CUX2: variants seen among roughly 807,000 people sequenced by gnomAD.
The protein encoded by CUX2 is cut like homeobox 2.
CUX2 carries 40 observed loss-of-function variants against 144.8 expected under a neutral mutation model. The observed-to-expected ratio is 0.28, with a 90% CI of 0.21 to 0.36. The LOEUF is 0.36. Among genes scored for constraint, CUX2 ranks in the 10% least tolerant of loss-of-function variants. The pLI, the probability that CUX2 is intolerant of heterozygous loss-of-function variation, is 1.00. For missense variants in CUX2, 1,615 were observed against 1,994.0 expected (o/e 0.81, Z 3.62); for synonymous variants, 827 against 875.6 (o/e 0.94, Z 0.98).
At chr12:111,330,470 C>G (rs937699049) in intron 18 of CUX2, among the ~76,000 whole-genome samples, 1 of 151,574 alleles carries the variant, frequency 6.6e-6, no homozygotes, top group African/African-American at 2.4e-5. Context: ...CTCTGAACCT[C>G]GGTTTCCTCA....
chr12:111,308,320 G>A lies in CUX2; in HGVS notation c.1145G>A (p.Cys382Tyr). 2.5e-6 allele frequency: 4 copies of A among 1,614,128 alleles called. No individual in the cohort carries two copies. The highest frequency in any genetic ancestry group is 3.4e-6 in the Non-Finnish European group (4 of 1,180,018). Residue 382 changes from cysteine (C) to tyrosine (Y), a missense_variant, in exon 13 of 22, where the codon TGC becomes TAC. Physicochemically the swap from Cys to Tyr is radical, Grantham distance 194 (BLOSUM62 -2). Around this residue, in one of 12 missense-constraint regions of CUX2, gnomAD observed 57 missense variants for 60.8 expected, o/e 0.94. Transcript: ENST00000261726. ...GCCATGAAGCTGGCCTCCAGCACCT[G>A]CAGCCTCCCCCAGGTAAGTGTCCCT... ...LKAMKLASSTCSLPQGMAKPE... is the reference protein window; with the variant it reads ...LKAMKLASSTYSLPQGMAKPE...
At chr12:111,060,340 C>G (rs1005027709) in intron 1 of CUX2, among the ~76,000 whole-genome samples, 4 of 152,222 alleles carry the variant, frequency 2.6e-5, no homozygotes, top group African/African-American at 9.6e-5. Flanking sequence ...ATCCTGGTCT[C>G]CCTGCCTGGA....
intron 3 of CUX2, among the ~76,000 whole-genome samples, chr12:111,244,308 G>T (rs1432838051): frequency 6.6e-6 from 1 of 152,192 alleles, no homozygotes; most frequent in Non-Finnish European, 1.5e-5. Flanking sequence ...AGAGGGGGCT[G>T]CAGGAGGGAC....
intron 1 of CUX2, among the ~76,000 whole-genome samples, chr12:111,075,885 G>A (rs1197705854): frequency 3.9e-5 from 6 of 152,150 alleles, no homozygotes; most frequent in Non-Finnish European, 7.3e-5. Context: ...GGGAAACTGA[G>A]TCTGAATAAT....
rs1406709141 is a variant in CUX2, at chr12:111,077,690, G to A, written c.63+43450G>A. ...CATTGTGGAGACAGGATGGAGGCCA[G>A]CTTTATTTACAAGAGTGTTTGTTTT... On this transcript the variant is annotated intron_variant, in intron 1 of 21. Coordinates refer to ENST00000261726, the MANE Select transcript of CUX2 (RefSeq NM_015267.4). The surrounding 1 kb of genome is among the most constrained non-coding windows in gnomAD (Gnocchi z 4.1). Among the ~76,000 whole-genome samples the A allele has an allele frequency of 6.6e-6, 1 of 152,172 alleles. No individual in the cohort carries two copies. Among genetic ancestry groups the A allele is most frequent in the Non-Finnish European group, 1.5e-5 (1 of 68,026 alleles).
chr12:111,060,584 A>G lies in CUX2; in HGVS notation c.63+26344A>G, dbSNP rs551720635. ...GAGTTTGGCACATATTAGAGGCTCA[A>G]TAAATGCCCATGGATGGGCCAGAGT... On this transcript the variant is annotated intron_variant, in intron 1 of 21. Coordinates refer to ENST00000261726, the MANE Select transcript of CUX2 (RefSeq NM_015267.4). 3.7e-4 allele frequency among the ~76,000 whole-genome samples: 57 copies of G among 152,354 alleles called. 3 individuals are homozygous for G. In the South Asian group the frequency reaches 0.012, roughly 31 times the overall value.
At chr12:111,297,061 C>T (rs1188205123) in intron 8 of CUX2, among the ~76,000 whole-genome samples, 1 of 147,912 alleles carries the variant, frequency 6.8e-6, no homozygotes, top group Non-Finnish European at 1.5e-5. Context: ...CCCTTCCAGA[C>T]AGGCCTCCTC....
At chr12:111,121,369 CTTTTTTT>C (rs5800920) in intron 1 of CUX2, among the ~76,000 whole-genome samples, 5 of 59,040 alleles carry the variant, frequency 8.5e-5, no homozygotes, top group African/African-American at 2.2e-4. Context: ...TTTCTTTTTT[CTTTTTTT>C]TTTTTTTTTT....
At position 111,322,639 on chromosome 12, in the gene CUX2, C is replaced by T. The variant is rs992577398; in HGVS notation, c.2926+59C>T. The stretch of plus-strand genomic sequence containing the variant: ...GGCAAACTTCCCACCTGCGCAGTGG[C>T]ATGTCCGCCTGGCTTTACTGCCCGA... On this transcript the variant is annotated intron_variant, in intron 18 of 21. Transcript: ENST00000261726. The surrounding 1 kb of genome is among the most constrained non-coding windows in gnomAD (Gnocchi z 4.2). 1 of 1,571,150 alleles carries T rather than the reference C, an allele frequency of 6.4e-7. No individual in the cohort carries two copies. The highest frequency in any genetic ancestry group is 8.6e-7 in the Non-Finnish European group (1 of 1,165,698).
chr12:111,121,682 A>G (rs942222247), intron 1 of CUX2, among the ~76,000 whole-genome samples: 2 of 151,902 alleles, frequency 1.3e-5, no homozygotes, highest in Admixed American at 6.6e-5. Context: ...TTTTCTATAA[A>G]TAGTACTTTA....
Position 111,289,160 on chromosome 12 carries a change from G to C in CUX2, c.302-2258G>C, listed in dbSNP as rs969767760. ...AAGGAAAAAAGAAAATTCTGGGGGAGAGACCAGGAAGAGACAGGGCTTCCA... is the reference window on the plus strand; with the variant it reads ...AAGGAAAAAAGAAAATTCTGGGGGACAGACCAGGAAGAGACAGGGCTTCCA... On this transcript the variant is annotated intron_variant, in intron 4 of 21. Coordinates refer to ENST00000261726, the MANE Select transcript of CUX2 (RefSeq NM_015267.4). This position sits in a 1 kb window ranked among gnomAD's most constrained non-coding sequence, Gnocchi z 4.1. Among the ~76,000 whole-genome samples, 1 of 152,110 alleles carries C rather than the reference G, an allele frequency of 6.6e-6. No homozygotes were observed. The highest frequency in any genetic ancestry group is 2.4e-5 in the African/African-American group (1 of 41,428).
At chr12:111,260,753 G>A (rs1884079444) in intron 3 of CUX2, among the ~76,000 whole-genome samples, 1 of 152,156 alleles carries the variant, frequency 6.6e-6, no homozygotes, top group Non-Finnish European at 1.5e-5. Flanking sequence ...AGTAGGGGGT[G>A]CTCTAGGCAG....
chr12:111,260,426 T>C (rs1000866660), intron 3 of CUX2, among the ~76,000 whole-genome samples: 2 of 151,958 alleles, frequency 1.3e-5, no homozygotes, highest in African/African-American at 4.8e-5. Context: ...ATCGTGCCAC[T>C]GCACTCCAGC....
At position 111,347,884 on chromosome 12, in the gene CUX2, A is replaced by G. The variant is rs1170569506; in HGVS notation, c.4020A>G (p.Gly1340=). The change falls in exon 22 of 22, where the codon GGA becomes GGG. Residue 1340 remains glycine, a synonymous_variant. Transcript: ENST00000261726. ...ATCCCGACCCTCCGGGTAATGATGG[A>G]CTCCCAAAAGTGGCTCCCGGGCCCC... ...EEHPDPPGND[G]LPKVAPGPLL... 5.6e-6 allele frequency: 9 copies of G among 1,613,888 alleles called. No individual in the cohort carries two copies. Among genetic ancestry groups the G allele is most frequent in the Non-Finnish European group, 7.6e-6 (9 of 1,179,966 alleles).
At chr12:111,053,307 C>T (rs1230731191) in intron 1 of CUX2, among the ~76,000 whole-genome samples, 1 of 152,188 alleles carries the variant, frequency 6.6e-6, no homozygotes, top group Non-Finnish European at 1.5e-5. Context: ...CACTAAGTCC[C>T]ACTAATGACA....
intron 4 of CUX2, among the ~76,000 whole-genome samples, chr12:111,275,110 G>A (rs1233025710): frequency 6.6e-6 from 1 of 152,192 alleles, no homozygotes; most frequent in Non-Finnish European, 1.5e-5. Context: ...TTCTCTATGG[G>A]TTTGGATCCC....
rs1883270437 is a variant in CUX2, at chr12:111,246,147, G to A, written c.223-17614G>A. On this transcript the variant is annotated intron_variant, in intron 3 of 21. Coordinates refer to ENST00000261726, the MANE Select transcript of CUX2 (RefSeq NM_015267.4). This position sits in a 1 kb window ranked among gnomAD's most constrained non-coding sequence, Gnocchi z 4.0. ...AGTCTCTTGACTTCTCTGCGCCTCAGTTTCCTCATCTGGAAAGTAGAAATG... is the reference window on the plus strand; with the variant it reads ...AGTCTCTTGACTTCTCTGCGCCTCAATTTCCTCATCTGGAAAGTAGAAATG... Among the ~76,000 whole-genome samples, 1 of 152,104 alleles carries A rather than the reference G, an allele frequency of 6.6e-6. No individual in the cohort carries two copies. Among genetic ancestry groups the A allele is most frequent in the Admixed American group, 6.5e-5 (1 of 15,270 alleles).
intron 1 of CUX2, among the ~76,000 whole-genome samples, chr12:111,122,603 T>C (rs1446608097): frequency 6.6e-6 from 1 of 152,212 alleles, no homozygotes; most frequent in African/African-American, 2.4e-5. Context: ...AGATAATTAA[T>C]GCTGTTGAAA....
At chr12:111,071,925 A>T (rs1871269727) in intron 1 of CUX2, among the ~76,000 whole-genome samples, 3 of 152,156 alleles carry the variant, frequency 2.0e-5, no homozygotes, top group African/African-American at 7.2e-5. Flanking sequence ...AGTTAACTAT[A>T]TTTATGTGGG....
Sources: allele counts gnomAD v4.1 joint callset (sites outside exome capture counted in the v4.1 genomes callset), GRCh38; gene constraint gnomAD v4.1.1; regional missense constraint gnomAD v4.1.1; non-coding constraint Gnocchi (gnomAD v3.1); transcripts MANE v1.5; gene names NCBI Gene and HGNC (gene_info 2026-07-23, HGNC 2026-07-21).